The following CSF2RB variants were observed in gnomAD, a reference collection of about 807,000 sequenced individuals.
The protein encoded by CSF2RB is cytokine receptor common subunit beta.
Under a neutral mutation model 67.2 loss-of-function variants are expected in CSF2RB, and 22 were observed. That is an observed-to-expected ratio of 0.33 (90% CI 0.23 to 0.47). CSF2RB has a LOEUF of 0.47. CSF2RB is among the 20% of genes least tolerant of loss of function. CSF2RB has a pLI of 1.00. For missense variants in CSF2RB, 1,113 were observed against 1,174.5 expected (o/e 0.95, Z 0.76); for synonymous variants, 507 against 482.9 (o/e 1.05, Z -0.65).
Position 36,937,458 on chromosome 22 carries a change from T to G in CSF2RB, c.1650T>G (p.Ser550=), listed in dbSNP as rs1490732784. 2 of 1,614,056 alleles carry G rather than the reference T, an allele frequency of 1.2e-6. No individual in the cohort carries two copies. Among genetic ancestry groups the G allele is most frequent in the Non-Finnish European group, 1.7e-6 (2 of 1,179,996 alleles). ...CCAAGCATGTCTGTGATCCACCATCTGGGCCTGACACGACTCCAGCTGCCT... is the reference window on the plus strand; with the variant it reads ...CCAAGCATGTCTGTGATCCACCATCGGGGCCTGACACGACTCCAGCTGCCT... ...EDPKHVCDPP[S]GPDTTPAASD... is the part of the protein sequence containing the mutation. Residue 550 remains serine (S), a synonymous_variant, in exon 14 of 14, where the codon TCT becomes TCG. Coordinates refer to ENST00000403662, the MANE Select transcript of CSF2RB (RefSeq NM_000395.3). The surrounding 1 kb of genome is among the most constrained non-coding windows in gnomAD (Gnocchi z 4.6).
At chr22:36,927,030 G>A (rs1348816887) in intron 4 of CSF2RB, among the ~76,000 whole-genome samples, 1 of 152,142 alleles carries the variant, frequency 6.6e-6, no homozygotes, top group Non-Finnish European at 1.5e-5. Flanking sequence ...CTAGTCCAAG[G>A]CCTCTCTACT....
At chr22:36,924,351 C>A (rs1569132825) in intron 3 of CSF2RB, among the ~76,000 whole-genome samples, 1 of 150,862 alleles carries the variant, frequency 6.6e-6, no homozygotes, top group Non-Finnish European at 1.5e-5. Context: ...GCTGTCTGGT[C>A]CTGTTGCTCA....
intron 4 of CSF2RB, among the ~76,000 whole-genome samples, chr22:36,928,822 C>A (rs868497316): frequency 6.6e-6 from 1 of 152,184 alleles, no homozygotes; most frequent in African/African-American, 2.4e-5. Flanking sequence ...TCTCCTCACA[C>A]CTTAGGGGAG....
At chr22:36,922,780 T>C (rs1259549915) in intron 2 of CSF2RB, 1 of 283,144 alleles carries the variant, frequency 3.5e-6, no homozygotes, top group Non-Finnish European at 6.9e-6. Context: ...TCTGTGATAA[T>C]GCTGGGACCA....
chr22:36,917,783 C>CGTG (rs960555322), intron 1 of CSF2RB, among the ~76,000 whole-genome samples: 27 of 152,024 alleles, frequency 1.8e-4, no homozygotes, highest in Non-Finnish European at 3.4e-4. Flanking sequence ...ACTAGCCAGG[C>CGTG]GTGGTGGTGC....
chr22:36,921,118 C>T, intron 1 of CSF2RB, among the ~76,000 whole-genome samples: 1 of 135,340 alleles, frequency 7.4e-6, no homozygotes, highest in Non-Finnish European at 1.6e-5. Context: ...TGTATGTGTG[C>T]CTCTGTGTGT....
intron 3 of CSF2RB, 123 bp downstream of exon 3, chr22:36,923,490 A>G: frequency 1.4e-6 from 2 of 1,420,470 alleles, no homozygotes; most frequent in Non-Finnish European, 1.9e-6. Context: ...GACAGAGGAC[A>G]GAGGAGGAGG....
intron 1 of CSF2RB, 60 bp from the exon 2 acceptor site, chr22:36,921,976 G>T (rs574731239): frequency 2.5e-5 from 15 of 592,390 alleles, no homozygotes; most frequent in Non-Finnish European, 4.5e-5. Context: ...CAACACGGGC[G>T]GTGTCCCTGG....
Position 36,922,254 on chromosome 22 carries a change from G to T in CSF2RB, c.47G>T (p.Cys16Phe). The T allele has an allele frequency of 6.3e-7, 1 of 1,585,288 alleles. No homozygotes were observed. Among genetic ancestry groups the T allele is most frequent in the Non-Finnish European group, 8.6e-7 (1 of 1,166,224 alleles). Residue 16 changes from cysteine (C) to phenylalanine (F), a missense_variant, in exon 2 of 14, where the codon TGC (cysteine) becomes TTC (phenylalanine). Transcript: ENST00000403662. ...CTCTCCATGGCCCTGCTGGCCCTGT[G>T]CTGGGAGCGCAGCCTGGCAGGGGCA... ...GLLSMALLAL[C>F]WERSLAGAEE...
Position 36,934,005 on chromosome 22 carries a change from G to C in CSF2RB, c.1315+11G>C. 1 of 1,611,704 alleles carries C rather than the reference G, an allele frequency of 6.2e-7. No individual in the cohort carries two copies. The highest frequency in any genetic ancestry group is 1.1e-5 in the South Asian group (1 of 91,068). On this transcript the variant is annotated intron_variant, in intron 10 of 13. Transcript: ENST00000403662. ...GGGACACCGAGTCGGGTAGGTGAAGGCTGGAGTCCAGAGCTTCTGGCCAGG... is the reference window on the plus strand; with the variant it reads ...GGGACACCGAGTCGGGTAGGTGAAGCCTGGAGTCCAGAGCTTCTGGCCAGG...
chr22:36,932,336 G>A (rs1397704927), intron 8 of CSF2RB, among the ~76,000 whole-genome samples: 1 of 151,418 alleles, frequency 6.6e-6, no homozygotes, highest in African/African-American at 2.4e-5. Context: ...TCGGGAGGCT[G>A]AGGCAGGAGA....
Position 36,916,628 on chromosome 22 carries a change from C to T in CSF2RB, c.-173+2951C>T, listed in dbSNP as rs543688094. Among the ~76,000 whole-genome samples, 67 of 152,248 alleles carry T rather than the reference C, an allele frequency of 4.4e-4. No individual in the cohort carries two copies. The South Asian group carries it at 0.014, about 32-fold the overall frequency. The stretch of plus-strand genomic sequence containing the variant: ...ATCCCAGCACTTTGGGAGGCTGAGG[C>T]AGGCAGATCCCTTGAAGTTGGACGT... On this transcript the variant is annotated intron_variant, in intron 1 of 13. Transcript: ENST00000403662.
Position 36,938,185 on chromosome 22 carries a change from G to A in CSF2RB, c.2377G>A (p.Val793Ile), listed in dbSNP as rs1941315812. The A allele has an allele frequency of 6.2e-7, 1 of 1,614,012 alleles. No individual in the cohort carries two copies. Among genetic ancestry groups the A allele is most frequent in the Non-Finnish European group, 8.5e-7 (1 of 1,180,002 alleles). Residue 793 changes from valine to isoleucine, a missense_variant, in exon 14 of 14, where the codon GTC (valine) becomes ATC (isoleucine). Transcript: ENST00000403662. ...TGTCCCCCCTGAGGCCAAAAGCCCT[G>A]TCCTGAACCCAGGGGAACGCCCGGC... ...NPVPPEAKSP[V>I]LNPGERPADV... is the part of the protein sequence containing the mutation.
chr22:36,925,999 G>A lies in CSF2RB; in HGVS notation c.213G>A (p.Glu71=), dbSNP rs1941007142. Residue 71 remains glutamate, a synonymous_variant, in exon 4 of 14, where the codon GAG becomes GAA. Transcript: ENST00000403662. The part of the protein sequence containing the change: ...LIRRVNEDLL[E]PVSCDLSDDM... ...CCTCTCCCAACAGGGACCTCCTGGA[G>A]CCAGTGTCCTGTGACCTCAGTGATG... is the stretch of plus-strand genomic sequence containing the variant. The A allele has an allele frequency of 6.2e-7, 1 of 1,614,220 alleles. No homozygotes were observed. The highest frequency in any genetic ancestry group is 8.5e-7 in the Non-Finnish European group (1 of 1,180,040).
At position 36,936,546 on chromosome 22, in the gene CSF2RB, C is replaced by A. The variant is rs776977738; in HGVS notation, c.1465-3C>A. 1 of 1,612,502 alleles carries A rather than the reference C, an allele frequency of 6.2e-7. No individual in the cohort carries two copies. The highest frequency in any genetic ancestry group is 8.5e-7 in the Non-Finnish European group (1 of 1,179,902). On this transcript the variant is annotated splice_region_variant and splice_polypyrimidine_tract_variant and intron_variant, in intron 12 of 13. Coordinates refer to ENST00000403662, the MANE Select transcript of CSF2RB (RefSeq NM_000395.3). ...ACCGGCCCAAATGTCTCTGCTCTTG[C>A]AGAACGGGAGCGCAGAGCTTTGGCC... is the stretch of plus-strand genomic sequence containing the variant.
At chr22:36,930,272 C>T in intron 6 of CSF2RB, 103 bp from the exon 7 acceptor site, 1 of 1,533,908 alleles carries the variant, frequency 6.5e-7, no homozygotes, top group South Asian at 1.1e-5. Flanking sequence ...TCTTTTGGCC[C>T]CAGAGCTCAT....
chr22:36,933,503 A>T (rs1534882), intron 9 of CSF2RB, among the ~76,000 whole-genome samples: 1 of 152,002 alleles, frequency 6.6e-6, no homozygotes, highest in Non-Finnish European at 1.5e-5. Flanking sequence ...CTGCGTTCCT[A>T]AAAAGGCCAC....
rs369609939 is a variant in CSF2RB, at chr22:36,937,979, G to C, written c.2171G>C (p.Gly724Ala). ...GACCTGGTATTCACCCCAAACTCAG[G>C]GGCCTCGTCTGTCTCCCTAGTTCCC... ...SADLVFTPNS[G>A]ASSVSLVPSL... is the part of the protein sequence containing the mutation. The change falls in exon 14 of 14, where the codon GGG (glycine) becomes GCG (alanine). Residue 724 changes from glycine to alanine, a missense_variant. Gly to Ala is a moderately conservative substitution (Grantham distance 60). Coordinates refer to ENST00000403662, the MANE Select transcript of CSF2RB (RefSeq NM_000395.3). This position sits in a 1 kb window ranked among gnomAD's most constrained non-coding sequence, Gnocchi z 4.6. 2.5e-6 allele frequency: 4 copies of C among 1,614,088 alleles called. No homozygotes were observed. Among genetic ancestry groups the C allele is most frequent in the Non-Finnish European group, 3.4e-6 (4 of 1,180,006 alleles).
chr22:36,930,632 G>A (rs1422678638), intron 7 of CSF2RB, 41 bp from the exon 8 acceptor site: 1 of 1,611,366 alleles, frequency 6.2e-7, no homozygotes, highest in Admixed American at 1.7e-5. Flanking sequence ...CCTCCCGTGT[G>A]CCCTCCCTCT....
Sources: gnomAD v4.1 joint callset for allele counts (sites outside exome capture counted in the v4.1 genomes callset) on GRCh38, gnomAD v4.1.1 for gene constraint, Gnocchi (gnomAD v3.1) non-coding constraint, MANE v1.5 for transcripts, NCBI Gene and HGNC (gene_info 2026-07-23, HGNC 2026-07-21) for gene names.